The following CNBD1 variants were observed in gnomAD, a reference collection of about 807,000 sequenced individuals.
CNBD1 encodes cyclic nucleotide-binding domain-containing protein 1.
In CNBD1, 71 loss-of-function variants were observed where a neutral mutation model predicts 54.4. That is an observed-to-expected ratio of 1.30 (90% CI 1.08 to 1.59). CNBD1 has a LOEUF of 1.59. CNBD1 is among the 40% of genes most tolerant of loss of function. The probability of loss-of-function intolerance (pLI) is 0.00; values close to 1 mark genes in which losing one functional copy is unlikely to be tolerated. For synonymous variants in CNBD1, 182 were observed against 170.7 expected (o/e 1.07, Z -0.51); for missense variants, 659 against 518.0 (o/e 1.27, Z -2.64).
At chr8:87,312,783 T>G (rs1016712235) in intron 8 of CNBD1, among the ~76,000 whole-genome samples, 3 of 151,994 alleles carry the variant, frequency 2.0e-5, no homozygotes, top group African/African-American at 7.2e-5. Context: ...AAAATTTTTT[T>G]CTAAAAACAA....
At chr8:87,028,846 A>G (rs1809712755) in intron 4 of CNBD1, among the ~76,000 whole-genome samples, 1 of 152,212 alleles carries the variant, frequency 6.6e-6, no homozygotes, top group African/African-American at 2.4e-5. Flanking sequence ...GTTCATCTAC[A>G]AAAACTGTTT....
intron 10 of CNBD1, among the ~76,000 whole-genome samples, chr8:87,382,256 A>G (rs867985248): frequency 9.2e-5 from 14 of 151,974 alleles, no homozygotes; most frequent in Non-Finnish European, 1.3e-4. Context: ...AGGTAAGATG[A>G]TTTTACATTC....
intron 10 of CNBD1, among the ~76,000 whole-genome samples, chr8:87,376,175 A>G (rs1172559054): frequency 6.6e-6 from 1 of 151,896 alleles, no homozygotes; most frequent in East Asian, 1.9e-4. Flanking sequence ...ATGCATTACC[A>G]TGGGCTGGGT....
chr8:86,881,958 A>G (rs1213673949), intron 1 of CNBD1, among the ~76,000 whole-genome samples: 1 of 152,056 alleles, frequency 6.6e-6, no homozygotes, highest in Non-Finnish European at 1.5e-5. Flanking sequence ...AAAACTGGGT[A>G]CTGGGAAAAC....
chr8:87,162,802 T>C (rs1812884517), intron 4 of CNBD1, among the ~76,000 whole-genome samples: 1 of 151,946 alleles, frequency 6.6e-6, no homozygotes, highest in Non-Finnish European at 1.5e-5. Context: ...GGGAGGGAAG[T>C]GCTATGGTTT....
At chr8:87,308,983 T>A (rs1306417101) in intron 8 of CNBD1, among the ~76,000 whole-genome samples, 1 of 152,166 alleles carries the variant, frequency 6.6e-6, no homozygotes, top group Admixed American at 6.6e-5. Context: ...TCTTTATCCA[T>A]TCATTTCTTG....
intron 5 of CNBD1, among the ~76,000 whole-genome samples, chr8:87,213,792 G>A (rs758110208): frequency 3.3e-5 from 5 of 152,034 alleles, no homozygotes; most frequent in Admixed American, 6.6e-5. Context: ...CAGCATTAAC[G>A]CAAAAGTCCA....
chr8:87,382,513 C>T (rs1232852278), intron 10 of CNBD1, 107 bp from the exon 11 acceptor site: 2 of 794,712 alleles, frequency 2.5e-6, no homozygotes, highest in Non-Finnish European at 4.1e-6. Context: ...AAAGCATAAC[C>T]CCTCTGACTC....
At chr8:87,090,765 A>T (rs1170205891) in intron 4 of CNBD1, among the ~76,000 whole-genome samples, 2 of 152,200 alleles carry the variant, frequency 1.3e-5, no homozygotes, top group Admixed American at 6.5e-5. Flanking sequence ...TTAAATGGAA[A>T]CATTGTAATA....
At chr8:87,074,540 T>G (rs1015355702) in intron 4 of CNBD1, among the ~76,000 whole-genome samples, 2 of 152,160 alleles carry the variant, frequency 1.3e-5, no homozygotes, top group African/African-American at 4.8e-5. Context: ...CACAGCAATA[T>G]GTATCGAATC....
In CNBD1 at chr8:87,192,466, C is replaced by T. The variant is rs115915806; in HGVS notation, c.432-13527C>T. Among the ~76,000 whole-genome samples, 952 of 152,214 alleles carry T rather than the reference C, an allele frequency of 6.3e-3. 11 individuals are homozygous for T. The highest frequency in any genetic ancestry group is 0.022 in the African/African-American group (894 of 41,532). ...AGGGGCTAAAGTGGATGGAAATCTA[C>T]GCTCTGGAATGAGACTCCCTGAGAT... On this transcript the variant is annotated intron_variant, in intron 4 of 10. Transcript: ENST00000518476.
intron 5 of CNBD1, among the ~76,000 whole-genome samples, chr8:87,234,781 C>T (rs1428637361): frequency 6.6e-6 from 1 of 152,142 alleles, no homozygotes; most frequent in South Asian, 2.1e-4. Context: ...TGCATGTCAC[C>T]ATCACGAGCT....
chr8:86,994,674 C>A (rs1808829614), intron 4 of CNBD1, among the ~76,000 whole-genome samples: 1 of 152,084 alleles, frequency 6.6e-6, no homozygotes, highest in Admixed American at 6.5e-5. Flanking sequence ...TGGAAACTAG[C>A]TCTAACATTT....
chr8:87,119,878 A>G (rs1233323215), intron 4 of CNBD1, among the ~76,000 whole-genome samples: 1 of 151,978 alleles, frequency 6.6e-6, no homozygotes, highest in Non-Finnish European at 1.5e-5. Context: ...GATATATCAT[A>G]TTTATTTATT....
intron 10 of CNBD1, among the ~76,000 whole-genome samples, chr8:87,365,036 G>A (rs748541449): frequency 5.9e-5 from 9 of 151,992 alleles, no homozygotes; most frequent in Non-Finnish European, 1.2e-4. Flanking sequence ...TCAAATGGTA[G>A]TTCTTGTTTT....
chr8:87,144,586 C>A (rs1018871314), intron 4 of CNBD1, among the ~76,000 whole-genome samples: 1 of 152,098 alleles, frequency 6.6e-6, no homozygotes, highest in African/African-American at 2.4e-5. Context: ...CTTCGGGAGG[C>A]CGAGGCAGGT....
At chr8:87,059,131 C>T (rs1323154389) in intron 4 of CNBD1, among the ~76,000 whole-genome samples, 1 of 152,184 alleles carries the variant, frequency 6.6e-6, no homozygotes, top group Non-Finnish European at 1.5e-5. Flanking sequence ...CAACAAGTTT[C>T]TCATCTCCAT....
chr8:87,299,183 T>A (rs555165598), intron 8 of CNBD1, among the ~76,000 whole-genome samples: 1 of 152,290 alleles, frequency 6.6e-6, no homozygotes, highest in Non-Finnish European at 1.5e-5. Context: ...TTTATTCATT[T>A]GTAAACTCAA....
intron 4 of CNBD1, among the ~76,000 whole-genome samples, chr8:87,058,027 A>C (rs1042173829): frequency 2.0e-5 from 3 of 152,188 alleles, no homozygotes; most frequent in African/African-American, 7.2e-5. Context: ...ATTACTTACT[A>C]GATACAATGG....
Sources: gnomAD v4.1 joint callset for allele counts (sites outside exome capture counted in the v4.1 genomes callset) on GRCh38, gnomAD v4.1.1 for gene constraint, MANE v1.5 for transcripts, NCBI Gene and HGNC (gene_info 2026-07-23, HGNC 2026-07-21) for gene names.